The following SLC35A1 variants were observed in gnomAD, a reference collection of about 807,000 sequenced individuals.
SLC35A1 encodes CMP-sialic acid transporter.
Under a neutral mutation model 40.3 loss-of-function variants are expected in SLC35A1, and 21 were observed. The observed-to-expected ratio is 0.52, with a 90% confidence interval of 0.37 to 0.75. The LOEUF (loss-of-function observed/expected upper bound fraction) is 0.75. Among genes scored for constraint, SLC35A1 ranks in the 30% least tolerant of loss-of-function variants. The pLI, the probability that SLC35A1 is intolerant of heterozygous loss-of-function variation, is 0.00. For missense variants in SLC35A1, 297 were observed against 382.1 expected, an observed-to-expected ratio of 0.78 and a Z score of 1.86; for synonymous variants, 146 against 147.3, an observed-to-expected ratio of 0.99 and a Z score of 0.06.
intron 2 of SLC35A1, among the ~76,000 whole-genome samples, chr6:87,489,925 TCTATTAAAC>T (rs967657196): frequency 4.0e-5 from 6 of 151,496 alleles, no homozygotes; most frequent in Non-Finnish European, 8.8e-5. Context: ...AAAAGAGAAC[TCTATTAAAC>T]ATTGTAAATG....
intron 2 of SLC35A1, among the ~76,000 whole-genome samples, chr6:87,478,406 T>A (rs1769137698): frequency 6.6e-6 from 1 of 152,166 alleles, no homozygotes; most frequent in African/African-American, 2.4e-5. Context: ...GGGGAAAGAT[T>A]TATGAGATGG....
intron 2 of SLC35A1, among the ~76,000 whole-genome samples, chr6:87,478,436 G>A (rs1769139794): frequency 6.6e-6 from 1 of 152,142 alleles, no homozygotes; most frequent in Non-Finnish European, 1.5e-5. Context: ...GGAGTCATTG[G>A]GGCAGTTAAG....
chr6:87,503,117 C>T (rs1317269853), intron 4 of SLC35A1, among the ~76,000 whole-genome samples: 1 of 152,116 alleles, frequency 6.6e-6, no homozygotes, highest in Non-Finnish European at 1.5e-5. Context: ...TAGAACAGGA[C>T]CAGAGTTCTG....
chr6:87,487,185 AAAAG>A, intron 2 of SLC35A1, among the ~76,000 whole-genome samples: 1 of 152,310 alleles, frequency 6.6e-6, no homozygotes, highest in Non-Finnish European at 1.5e-5. Flanking sequence ...CAAAAGAAAA[AAAAG>A]AAAAAGAAAG....
chr6:87,507,469 G>A (rs953533327), intron 5 of SLC35A1, among the ~76,000 whole-genome samples: 1 of 152,132 alleles, frequency 6.6e-6, no homozygotes, highest in Non-Finnish European at 1.5e-5. Context: ...TGAGGAAATG[G>A]AGGGTGGTTT....
intron 4 of SLC35A1, 72 bp from the exon 5 acceptor site, chr6:87,506,306 GTATT>G (rs1319590809): frequency 5.3e-6 from 6 of 1,131,212 alleles, no homozygotes; most frequent in Admixed American, 1.7e-5. Flanking sequence ...ACAGGTTTTT[GTATT>G]TATTTGTTTG....
intron 1 of SLC35A1, among the ~76,000 whole-genome samples, chr6:87,476,833 C>T (rs1477816066): frequency 6.6e-6 from 1 of 152,118 alleles, no homozygotes; most frequent in African/African-American, 2.4e-5. Flanking sequence ...AGACACCAGC[C>T]TGGCCAACAT....
rs764050702 is a variant in SLC35A1 at position 87,477,467 on chromosome 6, T to C, written c.122T>C (p.Leu41Pro). The C allele has an allele frequency of 1.2e-6, 2 of 1,614,074 alleles. No individual in the cohort carries two copies. Among genetic ancestry groups the C allele is most frequent in the Non-Finnish European group, 1.7e-6 (2 of 1,179,964 alleles). ...LRYTRTSDKELYFSTTAVCIT... is the reference protein window; with the variant it reads ...LRYTRTSDKEPYFSTTAVCIT... The stretch of plus-strand genomic sequence containing the variant: ...TACACAAGGACATCAGACAAAGAAC[T>C]CTACTTTTCAACCACAGCCGTGTGT... Residue 41 changes from leucine to proline, a missense_variant, in exon 2 of 8, where the codon CTC becomes CCC. By Grantham distance (98) the Leu-to-Pro change is moderately conservative. Transcript: ENST00000369552.
intron 4 of SLC35A1, among the ~76,000 whole-genome samples, chr6:87,501,533 A>C (rs1769923803): frequency 6.6e-6 from 1 of 152,194 alleles, no homozygotes; most frequent in African/African-American, 2.4e-5. Context: ...TACAGATGGA[A>C]CATACCTTAG....
Position 87,472,990 on chromosome 6 carries a change from G to T in SLC35A1, c.-14G>T, listed in dbSNP as rs1237610729. On this transcript the variant is annotated 5_prime_UTR_variant, in exon 1 of 8. Coordinates refer to ENST00000369552, the MANE Select transcript of SLC35A1 (RefSeq NM_006416.5). ...GGGGCGGGCGTCAGTTCCGCGGGGGGCTGTCGGGGAACCATGGCTGCCCCG... is the reference window on the plus strand; with the variant it reads ...GGGGCGGGCGTCAGTTCCGCGGGGGTCTGTCGGGGAACCATGGCTGCCCCG... 6.0e-6 allele frequency: 4 copies of T among 668,728 alleles called. No homozygotes were observed. Among genetic ancestry groups the T allele is most frequent in the African/African-American group, 3.8e-5 (2 of 52,430 alleles). The allele number at this position is 668,728 out of a possible 1,614,324, so 41.4% of individuals were successfully genotyped here.
intron 4 of SLC35A1, among the ~76,000 whole-genome samples, chr6:87,504,401 C>T (rs983373281): frequency 6.6e-5 from 10 of 152,098 alleles, no homozygotes; most frequent in Non-Finnish European, 1.2e-4. Flanking sequence ...ATCTGTACTT[C>T]GGCTTTGTTC....
At position 87,500,489 on chromosome 6, in the gene SLC35A1, C is replaced by G. The variant is rs1769884217; in HGVS notation, c.195-19C>G. 3.1e-6 allele frequency: 5 copies of G among 1,613,330 alleles called. No individual in the cohort carries two copies. The highest frequency in any genetic ancestry group is 4.2e-6 in the Non-Finnish European group (5 of 1,179,474). On this transcript the variant is annotated intron_variant, in intron 2 of 7. Coordinates refer to ENST00000369552, the MANE Select transcript of SLC35A1 (RefSeq NM_006416.5). ...TTTCTTCCTTACCACCCTCTCATCT[C>G]CCCCTTTTGTTTTCAAAGAGAAACT...
rs776362567 is a variant in SLC35A1 at position 87,477,472 on chromosome 6, T to A, written c.127T>A (p.Phe43Ile). 1.9e-6 allele frequency: 3 copies of A among 1,614,142 alleles called. No homozygotes were observed. Among genetic ancestry groups the A allele is most frequent in the African/African-American group, 1.3e-5 (1 of 75,060 alleles). ...YTRTSDKELY[F>I]STTAVCITEV... ...AAGGACATCAGACAAAGAACTCTAC[T>A]TTTCAACCACAGCCGTGTGTATCAC... The change falls in exon 2 of 8, where the codon TTT becomes ATT. Residue 43 changes from phenylalanine (F) to isoleucine (I), a missense_variant. Transcript: ENST00000369552.
intron 2 of SLC35A1, among the ~76,000 whole-genome samples, chr6:87,480,641 A>G (rs1352658095): frequency 6.6e-6 from 1 of 152,182 alleles, no homozygotes; most frequent in Non-Finnish European, 1.5e-5. Flanking sequence ...ATCTTAAAGA[A>G]GCCTATAGGG....
intron 2 of SLC35A1, among the ~76,000 whole-genome samples, chr6:87,484,697 G>A (rs1353413530): frequency 6.6e-6 from 1 of 152,168 alleles, no homozygotes; most frequent in African/African-American, 2.4e-5. Flanking sequence ...GAATTAGGGT[G>A]GAGCAGGTAA....
At chr6:87,493,435 T>C (rs1769618132) in intron 2 of SLC35A1, among the ~76,000 whole-genome samples, 1 of 151,482 alleles carries the variant, frequency 6.6e-6, no homozygotes, top group Non-Finnish European at 1.5e-5. Flanking sequence ...TATGCATGTG[T>C]ATGCATAGAC....
At chr6:87,499,269 CTAATA>C (rs950417005) in intron 2 of SLC35A1, 7 of 222,320 alleles carry the variant, frequency 3.1e-5, no homozygotes, top group African/African-American at 1.4e-4. Flanking sequence ...ACTGTTGATT[CTAATA>C]TATTAACCAA....
chr6:87,476,648 C>T (rs183722016), intron 1 of SLC35A1, among the ~76,000 whole-genome samples: 1 of 152,090 alleles, frequency 6.6e-6, no homozygotes, highest in East Asian at 1.9e-4. Flanking sequence ...TTGCTTGAAC[C>T]CGGGAGGTGG....
chr6:87,495,741 T>C (rs1582183732), intron 2 of SLC35A1, among the ~76,000 whole-genome samples: 1 of 151,768 alleles, frequency 6.6e-6, no homozygotes, highest in Admixed American at 6.6e-5. Context: ...CTGCAAGCTG[T>C]GCCTCCCGGG....
Sources: gnomAD v4.1 joint callset for allele counts (sites outside exome capture counted in the v4.1 genomes callset) on GRCh38, gnomAD v4.1.1 for gene constraint, MANE v1.5 for transcripts, NCBI Gene and HGNC (gene_info 2026-07-23, HGNC 2026-07-21) for gene names.